The following XPR1 variants were observed in gnomAD, a reference collection of about 807,000 sequenced individuals.
The protein encoded by XPR1 is xenotropic and polytropic retrovirus receptor 1.
In XPR1, 28 loss-of-function variants were observed where a neutral mutation model predicts 87.5. That is an observed-to-expected ratio of 0.32 (90% CI 0.24 to 0.44). The LOEUF (loss-of-function observed/expected upper bound fraction) is 0.44. Ranked by LOEUF, XPR1 falls within the 20% of genes least tolerant of loss-of-function variation. The pLI is 1.00. For synonymous variants in XPR1, 300 were observed against 306.1 expected (o/e 0.98, Z 0.21); for missense variants, 559 against 862.3 (o/e 0.65, Z 4.41).
intron 13 of XPR1, among the ~76,000 whole-genome samples, chr1:180,874,246 C>CT (rs1652591360): frequency 6.6e-6 from 1 of 152,064 alleles, no homozygotes; most frequent in Non-Finnish European, 1.5e-5. Flanking sequence ...GACTTAAAAG[C>CT]TTCTTTAGAA....
Position 180,826,283 on chromosome 1 carries a change from G to A in XPR1, c.1134+939G>A, listed in dbSNP as rs138332637. Reference sequence around the variant, plus strand: ...AAATCATTTGAGGCCAGGTACAGTCGCTCATGCCTATAATCCCAGTATTCG... The same window carrying A: ...AAATCATTTGAGGCCAGGTACAGTCACTCATGCCTATAATCCCAGTATTCG... On this transcript the variant is annotated intron_variant, in intron 9 of 14. Transcript: ENST00000367590. Among the ~76,000 whole-genome samples, 1,000 of 152,084 alleles carry A rather than the reference G, an allele frequency of 6.6e-3. 9 individuals carry two copies. The highest frequency in any genetic ancestry group is 0.01 in the Non-Finnish European group (706 of 67,976).
chr1:180,707,660 T>A (rs1159176842), intron 2 of XPR1, among the ~76,000 whole-genome samples: 1 of 152,204 alleles, frequency 6.6e-6, no homozygotes, highest in Non-Finnish European at 1.5e-5. Flanking sequence ...AGTTTTCTTT[T>A]TCTTGTCTTT....
intron 1 of XPR1, among the ~76,000 whole-genome samples, chr1:180,662,551 C>T (rs921687002): frequency 1.4e-4 from 21 of 152,180 alleles, no homozygotes; most frequent in African/African-American, 3.6e-4. Flanking sequence ...CTTTTATGAT[C>T]GTTTCTTTAT....
At chr1:180,675,731 T>C (rs1308120809) in intron 1 of XPR1, among the ~76,000 whole-genome samples, 1 of 152,172 alleles carries the variant, frequency 6.6e-6, no homozygotes, top group South Asian at 2.1e-4. Context: ...CTCTTTTAAT[T>C]TGTTGTTTTG....
At chr1:180,756,508 G>A (rs1214276038) in intron 2 of XPR1, among the ~76,000 whole-genome samples, 1 of 152,072 alleles carries the variant, frequency 6.6e-6, no homozygotes, top group Non-Finnish European at 1.5e-5. Context: ...TGCATTATAA[G>A]AGTTCCTTAT....
intron 2 of XPR1, among the ~76,000 whole-genome samples, chr1:180,768,061 G>A (rs539380305): frequency 1.5e-3 from 233 of 152,172 alleles, no homozygotes; most frequent in African/African-American, 4.6e-3. Flanking sequence ...AGCCAGGATG[G>A]TCTCAATCTC....
chr1:180,876,024 T>G (rs973026305), intron 13 of XPR1, among the ~76,000 whole-genome samples: 1 of 152,048 alleles, frequency 6.6e-6, no homozygotes, highest in Admixed American at 6.6e-5. Context: ...GAAATTAAAT[T>G]CATGTTAAAA....
intron 2 of XPR1, among the ~76,000 whole-genome samples, chr1:180,763,685 T>C (rs142915802): frequency 7.2e-5 from 11 of 152,338 alleles, no homozygotes; most frequent in African/African-American, 2.4e-4. Context: ...TAGAGCAGCA[T>C]GCATTCATAA....
intron 7 of XPR1, among the ~76,000 whole-genome samples, chr1:180,812,516 T>G (rs759961769): frequency 1.3e-5 from 2 of 152,214 alleles, no homozygotes; most frequent in Non-Finnish European, 2.9e-5. Context: ...CCAAAATCTT[T>G]TAGTTTCTCT....
chr1:180,841,530 G>A (rs142776367), intron 11 of XPR1, among the ~76,000 whole-genome samples: 2,033 of 152,214 alleles, frequency 0.013, 23 homozygotes, highest in Middle Eastern at 0.031. Context: ...ATGATAAAAT[G>A]AAATATTTTC....
At chr1:180,650,959 A>G (rs908291116) in intron 1 of XPR1, among the ~76,000 whole-genome samples, 7 of 152,228 alleles carry the variant, frequency 4.6e-5, no homozygotes, top group Non-Finnish European at 8.8e-5. Context: ...ATCATTAAAA[A>G]TAAGCCACAG....
At chr1:180,715,671 C>G (rs888940557) in intron 2 of XPR1, among the ~76,000 whole-genome samples, 2 of 148,818 alleles carry the variant, frequency 1.3e-5, no homozygotes, top group African/African-American at 4.9e-5. Context: ...TTTTTTTTTT[C>G]TTTATCTTTC....
chr1:180,685,688 T>A (rs1186481125), intron 2 of XPR1, among the ~76,000 whole-genome samples: 6 of 152,208 alleles, frequency 3.9e-5, no homozygotes, highest in Non-Finnish European at 7.3e-5. Flanking sequence ...TATTCAGAGA[T>A]TCAACTTCTT....
chr1:180,875,832 C>T (rs1310749918), intron 13 of XPR1, among the ~76,000 whole-genome samples: 1 of 151,148 alleles, frequency 6.6e-6, no homozygotes, highest in Non-Finnish European at 1.5e-5. Context: ...ACTGATAAAG[C>T]AAAAAAGAAA....
chr1:180,814,678 T>C (rs929885992), intron 7 of XPR1, among the ~76,000 whole-genome samples: 10 of 152,198 alleles, frequency 6.6e-5, no homozygotes, highest in African/African-American at 7.2e-5. Context: ...TTATGAAATG[T>C]ATTATGCCAG....
intron 2 of XPR1, among the ~76,000 whole-genome samples, chr1:180,775,930 CT>C (rs1404686549): frequency 6.6e-6 from 1 of 152,078 alleles, no homozygotes; most frequent in Non-Finnish European, 1.5e-5. Flanking sequence ...AATAATTAGT[CT>C]ACAGTCAAGA....
intron 2 of XPR1, among the ~76,000 whole-genome samples, chr1:180,715,928 C>T (rs1657978368): frequency 6.6e-6 from 1 of 152,164 alleles, no homozygotes; most frequent in South Asian, 2.1e-4. Flanking sequence ...CCACCTCAGC[C>T]TCCCAAAGTG....
intron 1 of XPR1, among the ~76,000 whole-genome samples, chr1:180,644,087 G>A (rs182491915): frequency 6.6e-6 from 1 of 152,082 alleles, no homozygotes; most frequent in African/African-American, 2.4e-5. Context: ...ACATCTGGGT[G>A]GCAAATTACT....
intron 7 of XPR1, among the ~76,000 whole-genome samples, chr1:180,822,305 T>C (rs1033368840): frequency 1.3e-5 from 2 of 152,186 alleles, no homozygotes; most frequent in Non-Finnish European, 2.9e-5. Context: ...TTAAGGCCCT[T>C]TGTACTTTCC....
Sources: gnomAD v4.1 joint callset for allele counts (sites outside exome capture counted in the v4.1 genomes callset) on GRCh38, gnomAD v4.1.1 for gene constraint, MANE v1.5 for transcripts, NCBI Gene and HGNC (gene_info 2026-07-23, HGNC 2026-07-21) for gene names.